The following PISD variants were observed in gnomAD, a reference collection of about 807,000 sequenced individuals.
PISD encodes the protein phosphatidylserine decarboxylase proenzyme, mitochondrial.
Under a neutral mutation model 43.5 loss-of-function variants are expected in PISD, and 31 were observed. That is an observed-to-expected ratio of 0.71 (90% CI 0.54 to 0.96). PISD has a LOEUF of 0.96. Among genes scored for constraint, PISD ranks in the 40% least tolerant of loss-of-function variants. The pLI is 0.00. For synonymous variants in PISD, 259 were observed against 228.7 expected (o/e 1.13, Z -1.20); for missense variants, 523 against 548.4 (o/e 0.95, Z 0.46).
At position 31,621,161 on chromosome 22, in the gene PISD, CGTG is replaced by C. The variant is rs765408587; in HGVS notation, c.698-22_698-20del. 7.6e-5 allele frequency: 123 copies of C among 1,613,950 alleles called. No individual in the cohort carries two copies. The highest frequency in any genetic ancestry group is 1.0e-4 in the Non-Finnish European group (119 of 1,180,016). On this transcript the variant is annotated intron_variant, in intron 5 of 7. Coordinates refer to ENST00000439502, the MANE Select transcript of PISD (RefSeq NM_001326411.2). The stretch of plus-strand genomic sequence containing the variant: ...GACGCGGCTGTGGAGTAGGAGCAGA[CGTG>C]GGGGCCACCAACACAGTGAGCACCC...
At chr22:31,660,829 G>A (rs1178646750) in intron 1 of PISD, among the ~76,000 whole-genome samples, 1 of 152,052 alleles carries the variant, frequency 6.6e-6, no homozygotes, top group Non-Finnish European at 1.5e-5. Flanking sequence ...CGCCTCCCAG[G>A]TTCAAGCAAT....
Position 31,621,420 on chromosome 22 carries a change from T to G in PISD, c.611A>C (p.Glu204Ala), listed in dbSNP as rs1246204363. 6.2e-7 allele frequency: 1 copy of G among 1,614,080 alleles called. No homozygotes were observed. The highest frequency in any genetic ancestry group is 1.7e-5 in the Admixed American group (1 of 60,026). Residue 204 changes from glutamate (E) to alanine (A), a missense_variant, in exon 5 of 8, where the codon GAG becomes GCG. By Grantham distance (107) the Glu-to-Ala change is moderately radical. Transcript: ENST00000439502. ...GGTGACCCCCTTTACCTGCTCCACC[T>G]CACAGTTCTTCACCTGCCCAAAGTT... ...ILNFGQVKNC[E>A]VEQVKGVTYS...
At chr22:31,631,016 G>A (rs1275199745) in intron 3 of PISD, among the ~76,000 whole-genome samples, 1 of 152,258 alleles carries the variant, frequency 6.6e-6, no homozygotes, top group Non-Finnish European at 1.5e-5. Flanking sequence ...CCTTTAAGAG[G>A]AAGGGCCAAG....
At chr22:31,638,991 T>C (rs1327475446) in intron 3 of PISD, among the ~76,000 whole-genome samples, 1 of 151,180 alleles carries the variant, frequency 6.6e-6, no homozygotes, top group Non-Finnish European at 1.5e-5. Context: ...GAGCCTGTCT[T>C]TTTTTTCCTT....
chr22:31,625,587 C>G (rs965826282), intron 3 of PISD: 2 of 703,960 alleles, frequency 2.8e-6, no homozygotes, highest in Admixed American at 2.7e-5. Context: ...ATACCTGAAG[C>G]GGGCTCTCCG....
chr22:31,624,031 C>G (rs892170557), intron 3 of PISD, among the ~76,000 whole-genome samples: 3 of 152,262 alleles, frequency 2.0e-5, no homozygotes, highest in African/African-American at 7.2e-5. Context: ...CAACCCCATT[C>G]TGATTCAGGG....
chr22:31,623,688 C>T (rs774074651), intron 3 of PISD: 2 of 1,613,098 alleles, frequency 1.2e-6, no homozygotes, highest in South Asian at 1.1e-5. Flanking sequence ...ACTTACCCTG[C>T]TTACGGGCCT....
In PISD at chr22:31,630,506, T is replaced by G. The variant is rs2073153570; in HGVS notation, c.322-8621A>C. The G allele has an allele frequency of 6.3e-6, 1 of 159,654 alleles. No individual in the cohort carries two copies. The highest frequency in any genetic ancestry group is 1.3e-5 in the Non-Finnish European group (1 of 75,046). 9.9% of individuals were successfully genotyped at this position (159,654 alleles called of 1,614,324 possible). ...CGCGGCCGCCTCACTTCCCGTACGC[T>G]CTTCACTTCCCGTACCCGCGCCCGG... On this transcript the variant is annotated intron_variant, in intron 3 of 7. Coordinates refer to ENST00000439502, the MANE Select transcript of PISD (RefSeq NM_001326411.2). The surrounding 1 kb of genome is among the most constrained non-coding windows in gnomAD (Gnocchi z 4.4).
chr22:31,659,704 GCCTCAA>G (rs1569494446), intron 1 of PISD, among the ~76,000 whole-genome samples: 2 of 151,836 alleles, frequency 1.3e-5, no homozygotes, highest in Non-Finnish European at 1.5e-5. Context: ...AGATTCTCCT[GCCTCAA>G]CCTCCTGAGT....
chr22:31,621,165 G>A (rs1430310987), intron 5 of PISD, 23 bp from the exon 6 acceptor site: 7 of 1,613,994 alleles, frequency 4.3e-6, no homozygotes, highest in Non-Finnish European at 5.9e-6. Flanking sequence ...AGCAGACGTG[G>A]GGGCCACCAA....
chr22:31,631,620 G>C (rs942974504), intron 3 of PISD, among the ~76,000 whole-genome samples: 2 of 152,158 alleles, frequency 1.3e-5, no homozygotes, highest in Non-Finnish European at 2.9e-5. Context: ...CCTAGTCTGC[G>C]GCTTGGCAGT....
intron 3 of PISD, among the ~76,000 whole-genome samples, chr22:31,647,541 A>G (rs762136031): frequency 6.6e-6 from 1 of 152,224 alleles, no homozygotes; most frequent in Non-Finnish European, 1.5e-5. Context: ...ACACCTTTAT[A>G]TTCAGTTTCA....
chr22:31,623,934 G>C (rs940005283), intron 3 of PISD: 1 of 1,310,588 alleles, frequency 7.6e-7, no homozygotes, highest in Non-Finnish European at 1.1e-6. Context: ...ACCCAGGGCA[G>C]GATTCCTCCT....
intron 3 of PISD, among the ~76,000 whole-genome samples, chr22:31,636,568 C>G (rs2073444234): frequency 6.8e-6 from 1 of 146,746 alleles, no homozygotes; most frequent in East Asian, 2.0e-4. Context: ...GAGATGGAGT[C>G]TCACTCTCTC....
At chr22:31,652,319 CAG>C (rs2147797978) in intron 1 of PISD, among the ~76,000 whole-genome samples, 1 of 151,932 alleles carries the variant, frequency 6.6e-6, no homozygotes, top group Admixed American at 6.6e-5. Flanking sequence ...TTAGTAGAGA[CAG>C]AGTTTCACCA....
intron 1 of PISD, among the ~76,000 whole-genome samples, chr22:31,657,316 T>C (rs2147816629): frequency 6.6e-6 from 1 of 152,156 alleles, no homozygotes; most frequent in Non-Finnish European, 1.5e-5. Flanking sequence ...TTTGTATTTT[T>C]AGTAGAGATG....
intron 1 of PISD, 107 bp from the exon 2 acceptor site, chr22:31,650,885 T>C (rs1260167737): frequency 3.0e-6 from 2 of 663,926 alleles, no homozygotes; most frequent in East Asian, 5.6e-5. Flanking sequence ...GCAATGTAAA[T>C]GTCTTGGTTT....
chr22:31,621,919 A>C (rs1313839905), intron 3 of PISD, 34 bp from the exon 4 acceptor site: 5 of 1,496,774 alleles, frequency 3.3e-6, no homozygotes, highest in African/African-American at 1.4e-5. Flanking sequence ...TGAGTTGACC[A>C]CACTGCCCCA....
intron 3 of PISD, among the ~76,000 whole-genome samples, chr22:31,624,108 A>C (rs1432011841): frequency 6.6e-6 from 1 of 151,912 alleles, no homozygotes; most frequent in East Asian, 1.9e-4. Context: ...GCTGGGGAGG[A>C]CTGGGAATGT....
Sources: gnomAD v4.1 joint callset for allele counts (sites outside exome capture counted in the v4.1 genomes callset) on GRCh38, gnomAD v4.1.1 for gene constraint, Gnocchi (gnomAD v3.1) non-coding constraint, MANE v1.5 for transcripts, NCBI Gene and HGNC (gene_info 2026-07-23, HGNC 2026-07-21) for gene names.